TPD52L1: variants seen among roughly 807,000 people sequenced by gnomAD.
TPD52L1 encodes the protein TPD52 like 1, also known as tumor protein D53.
In TPD52L1, 18 loss-of-function variants were observed where a neutral mutation model predicts 28.7. That is an observed-to-expected ratio of 0.63 (90% CI 0.43 to 0.93). The LOEUF (loss-of-function observed/expected upper bound fraction) is 0.93. Ranked by LOEUF, TPD52L1 falls within the 40% of genes least tolerant of loss-of-function variation. The pLI is 0.00. For missense variants in TPD52L1, 203 were observed against 254.8 expected (o/e 0.80, Z 1.39); for synonymous variants, 75 against 88.8 (o/e 0.84, Z 0.88).
chr6:125,169,106 C>T (rs1398324518), intron 1 of TPD52L1, among the ~76,000 whole-genome samples: 3 of 152,094 alleles, frequency 2.0e-5, no homozygotes, highest in African/African-American at 7.2e-5. Context: ...CTTCACTGAC[C>T]TATTAGCATA....
intron 1 of TPD52L1, among the ~76,000 whole-genome samples, chr6:125,213,872 A>G (rs1398040276): frequency 2.0e-5 from 3 of 152,200 alleles, no homozygotes; most frequent in Non-Finnish European, 4.4e-5. Context: ...AATGGGTGGC[A>G]TGCCCAAAAG....
intron 1 of TPD52L1, chr6:125,154,618 G>A (rs2114716945): frequency 4.8e-6 from 4 of 833,052 alleles, no homozygotes; most frequent in South Asian, 1.1e-4. Flanking sequence ...CTGCTCCCGG[G>A]GCTGCCTGCT....
chr6:125,172,392 A>T (rs1459888882), intron 1 of TPD52L1, among the ~76,000 whole-genome samples: 5 of 137,302 alleles, frequency 3.6e-5, no homozygotes, highest in Admixed American at 1.5e-4. Context: ...GCCTCATATG[A>T]TCCTCCCATG....
intron 3 of TPD52L1, among the ~76,000 whole-genome samples, chr6:125,233,587 A>C (rs1358661726): frequency 4.6e-5 from 7 of 152,216 alleles, no homozygotes; most frequent in African/African-American, 1.7e-4. Context: ...TTCTGATAAC[A>C]TATTTAGGGA....
chr6:125,244,186 G>C (rs930070154), intron 3 of TPD52L1, among the ~76,000 whole-genome samples: 2 of 152,202 alleles, frequency 1.3e-5, no homozygotes, highest in East Asian at 1.9e-4. Context: ...GGAATGGCAG[G>C]TATCTCTTGA....
chr6:125,220,639 C>G (rs1365415001), intron 2 of TPD52L1, among the ~76,000 whole-genome samples: 2 of 152,094 alleles, frequency 1.3e-5, no homozygotes, highest in African/African-American at 4.8e-5. Context: ...ATCATAGAAG[C>G]AACTGAATTT....
chr6:125,245,283 C>T, intron 3 of TPD52L1, among the ~76,000 whole-genome samples: 1 of 152,196 alleles, frequency 6.6e-6, no homozygotes, highest in East Asian at 1.9e-4. Flanking sequence ...TTCTTTTCTT[C>T]TTCCTGGGAT....
At chr6:125,249,920 C>A (rs1487920354) in intron 4 of TPD52L1, among the ~76,000 whole-genome samples, 1 of 151,916 alleles carries the variant, frequency 6.6e-6, no homozygotes, top group Admixed American at 6.6e-5. Context: ...ACTAATGCCA[C>A]AATAATAAAA....
At chr6:125,252,070 C>T (rs1196253919) in intron 4 of TPD52L1, 1 of 1,535,940 alleles carries the variant, frequency 6.5e-7, no homozygotes, top group Non-Finnish European at 8.7e-7. Context: ...GGGGCTTTCC[C>T]CACTCCCTTG....
intron 1 of TPD52L1, among the ~76,000 whole-genome samples, chr6:125,182,138 G>A (rs1792235846): frequency 6.6e-6 from 1 of 152,208 alleles, no homozygotes; most frequent in Non-Finnish European, 1.5e-5. Flanking sequence ...TAGATGATGA[G>A]TAACTGCCTG....
chr6:125,178,658 A>AATATATATATATATAT (rs766185303), intron 1 of TPD52L1, among the ~76,000 whole-genome samples: 3 of 147,998 alleles, frequency 2.0e-5, no homozygotes, highest in African/African-American at 7.5e-5. Context: ...AACAAAACAA[A>AATATATATATATATAT]ATATATATAT....
At chr6:125,158,038 T>C (rs1238899456) in intron 1 of TPD52L1, among the ~76,000 whole-genome samples, 3 of 152,162 alleles carry the variant, frequency 2.0e-5, no homozygotes, top group African/African-American at 4.8e-5. Flanking sequence ...TCTCCGTGGT[T>C]ATGCTGCTTT....
At chr6:125,154,137 C>A in intron 1 of TPD52L1, 167 bp downstream of exon 1, 1 of 1,402,214 alleles carries the variant, frequency 7.1e-7, no homozygotes, top group South Asian at 1.6e-5. Context: ...TGCCCAAACT[C>A]AGGATTTGCT....
chr6:125,192,447 A>G (rs924773309), intron 1 of TPD52L1, among the ~76,000 whole-genome samples: 4 of 151,690 alleles, frequency 2.6e-5, no homozygotes, highest in Admixed American at 6.6e-5. Flanking sequence ...CATTCATACT[A>G]TGTTCTTTTA....
intron 1 of TPD52L1, among the ~76,000 whole-genome samples, chr6:125,190,164 T>C (rs1303220000): frequency 2.0e-5 from 3 of 152,152 alleles, no homozygotes; most frequent in Non-Finnish European, 2.9e-5. Context: ...ACTATATTGA[T>C]CATAATTTGA....
At chr6:125,252,090 T>A (rs1797308733) in intron 4 of TPD52L1, 1 of 1,531,826 alleles carries the variant, frequency 6.5e-7, no homozygotes, top group Non-Finnish European at 8.7e-7. Flanking sequence ...GCTGCCCCTT[T>A]GCTTTCCAGG....
chr6:125,231,992 A>G (rs1795980374), intron 3 of TPD52L1, among the ~76,000 whole-genome samples: 2 of 152,310 alleles, frequency 1.3e-5, no homozygotes, highest in South Asian at 2.1e-4. Flanking sequence ...ACTGAGAAAC[A>G]AGTCTGGAGG....
rs573431383 is a variant in TPD52L1 at position 125,197,797 on chromosome 6, C to T, written c.20-22281C>T. Among the ~76,000 whole-genome samples the T allele has an allele frequency of 8.5e-5, 13 of 152,154 alleles. 1 individual carries two copies. In the East Asian group the frequency reaches 1.7e-3, roughly 20 times the overall value. On this transcript the variant is annotated intron_variant, in intron 1 of 6. Transcript: ENST00000534000. ...TGTCCATTACCTGAAACAGCACAGG[C>T]GCTAGTGTCTCCAGAGAAAAGGAAA...
chr6:125,168,456 CCCTCT>C (rs1347766216), intron 1 of TPD52L1, among the ~76,000 whole-genome samples: 2 of 152,032 alleles, frequency 1.3e-5, no homozygotes, highest in Admixed American at 1.3e-4. Context: ...CTTCTCAGTC[CCCTCT>C]CCTCTCAAAT....
Sources: gnomAD v4.1 joint callset for allele counts (sites outside exome capture counted in the v4.1 genomes callset) on GRCh38, gnomAD v4.1.1 for gene constraint, MANE v1.5 for transcripts, NCBI Gene and HGNC (gene_info 2026-07-23, HGNC 2026-07-21) for gene names.